Variants in DNAJC13 observed in about 807,000 individuals in gnomAD.
The protein encoded by DNAJC13 is dnaJ homolog subfamily C member 13.
In DNAJC13, 75 loss-of-function variants were observed where a neutral mutation model predicts 290.5. The observed-to-expected ratio is 0.26, with a 90% confidence interval of 0.21 to 0.31. The LOEUF (loss-of-function observed/expected upper bound fraction) is 0.31. DNAJC13 is among the 10% of genes least tolerant of loss of function. The pLI is 1.00. For missense variants in DNAJC13, 2,260 were observed against 2,674.5 expected (o/e 0.85, Z 3.42); for synonymous variants, 862 against 892.0 (o/e 0.97, Z 0.60).
At chr3:132,533,871 T>G (rs1433883904) in intron 55 of DNAJC13, among the ~76,000 whole-genome samples, 2 of 152,182 alleles carry the variant, frequency 1.3e-5, no homozygotes, top group Non-Finnish European at 1.5e-5. Context: ...GGGTTTATCT[T>G]CAGAAACCTG....
At chr3:132,525,245 C>T (rs1290371959) in intron 51 of DNAJC13, among the ~76,000 whole-genome samples, 1 of 152,138 alleles carries the variant, frequency 6.6e-6, no homozygotes, top group Admixed American at 6.5e-5. Flanking sequence ...GAGGCTGAGG[C>T]AGGAGAATTG....
In DNAJC13 at chr3:132,514,659, C is replaced by T. The variant is rs768780723; in HGVS notation, c.5474C>T (p.Ser1825Leu). The T allele has an allele frequency of 6.2e-7, 1 of 1,609,468 alleles. No individual in the cohort carries two copies. The highest frequency in any genetic ancestry group is 8.5e-7 in the Non-Finnish European group (1 of 1,177,676). Residue 1825 changes from serine (S) to leucine (L), a missense_variant, in exon 46 of 56, where the codon TCA becomes TTA. Ser to Leu is a moderately radical substitution (Grantham distance 145). Around this residue, in one of 3 missense-constraint regions of DNAJC13, gnomAD observed 1,494 missense variants for 1,693.7 expected, o/e 0.88. Coordinates refer to ENST00000260818, the MANE Select transcript of DNAJC13 (RefSeq NM_015268.4). ...TCCAGTTTATTGGCTCTTCTACATT[C>T]ATTGCCATCAAGTATGTATACAGAT... ...VLSSLLALLH[S>L]LPSSRQLVLE...
At position 132,528,248 on chromosome 3, in the gene DNAJC13, A is replaced by G. The variant is rs1465866448; in HGVS notation, c.6441A>G (p.Glu2147=). Residue 2147 remains glutamate (E), a synonymous_variant, in exon 54 of 56, where the codon GAA becomes GAG. Coordinates refer to ENST00000260818, the MANE Select transcript of DNAJC13 (RefSeq NM_015268.4). ...LLKLLEGIGL[E]NLDSPAATKA... Reference sequence around the variant, plus strand: ...AATTACTCGAAGGCATTGGCCTTGAAAACCTGGACAGCCCAGCAGCCACTA... The same window carrying G: ...AATTACTCGAAGGCATTGGCCTTGAGAACCTGGACAGCCCAGCAGCCACTA... 1.2e-6 allele frequency: 2 copies of G among 1,614,092 alleles called. No individual in the cohort carries two copies. Among genetic ancestry groups the G allele is most frequent in the Non-Finnish European group, 1.7e-6 (2 of 1,180,030 alleles).
intron 41 of DNAJC13, among the ~76,000 whole-genome samples, chr3:132,503,990 A>AAG (rs879838771): frequency 6.6e-6 from 1 of 151,834 alleles, no homozygotes; most frequent in Non-Finnish European, 1.5e-5. Context: ...AAAAAAAAAA[A>AAG]GAGTACTAAA....
intron 6 of DNAJC13, 84 bp downstream of exon 6, chr3:132,450,931 G>T: frequency 1.3e-6 from 1 of 768,068 alleles, no homozygotes. Flanking sequence ...ACTTCATTTT[G>T]AAATTTCACG....
intron 27 of DNAJC13, 137 bp from the exon 28 acceptor site, chr3:132,483,238 C>A: frequency 1.1e-6 from 1 of 934,932 alleles, no homozygotes; most frequent in Non-Finnish European, 1.6e-6. Context: ...GGCCTGTCAA[C>A]AAAACTTATT....
intron 2 of DNAJC13, among the ~76,000 whole-genome samples, chr3:132,438,466 C>T (rs564734343): frequency 1.1e-4 from 16 of 152,260 alleles, no homozygotes; most frequent in Admixed American, 1.0e-3. Context: ...AACCTTGTCT[C>T]TAGAAACATG....
intron 55 of DNAJC13, among the ~76,000 whole-genome samples, chr3:132,532,726 T>C (rs1270123971): frequency 1.3e-5 from 2 of 150,600 alleles, no homozygotes; most frequent in African/African-American, 2.5e-5. Context: ...AAAAAAAATC[T>C]GCCTTATTTT....
intron 32 of DNAJC13, among the ~76,000 whole-genome samples, chr3:132,491,872 A>G (rs1935067680): frequency 6.6e-6 from 1 of 152,130 alleles, no homozygotes. Context: ...TATGGCAGTC[A>G]TATTTTTCAT....
chr3:132,420,388 G>T (rs376761146), intron 1 of DNAJC13, among the ~76,000 whole-genome samples: 3 of 152,124 alleles, frequency 2.0e-5, no homozygotes, highest in Non-Finnish European at 4.4e-5. Context: ...GAACATTCAG[G>T]GGGTAGATGA....
chr3:132,495,910 C>A (rs1350706488), intron 35 of DNAJC13, among the ~76,000 whole-genome samples: 3 of 152,198 alleles, frequency 2.0e-5, no homozygotes, highest in Admixed American at 1.3e-4. Context: ...ATTTTGAAAT[C>A]TTTTAAATTG....
At chr3:132,484,498 C>A (rs934883103) in intron 28 of DNAJC13, 90 bp from the exon 29 acceptor site, 2 of 1,191,064 alleles carry the variant, frequency 1.7e-6, no homozygotes, top group Admixed American at 1.8e-5. Flanking sequence ...AGTAAGGTAA[C>A]CTGCTTCATG....
At chr3:132,503,492 A>G (rs1289956263) in intron 41 of DNAJC13, 111 bp downstream of exon 41, 3 of 1,262,316 alleles carry the variant, frequency 2.4e-6, no homozygotes, top group South Asian at 1.5e-5. Context: ...GAACGTTCAC[A>G]TGTTTGTTCT....
In DNAJC13 at chr3:132,466,880, T is replaced by G. The variant is rs545618681; in HGVS notation, c.2065-290T>G. 9.4e-4 allele frequency among the ~76,000 whole-genome samples: 143 copies of G among 152,316 alleles called. 1 individual carries two copies. Among genetic ancestry groups the G allele is most frequent in the Non-Finnish European group, 1.7e-3 (115 of 68,006 alleles). On this transcript the variant is annotated intron_variant, in intron 19 of 55. Transcript: ENST00000260818. The stretch of plus-strand genomic sequence containing the variant: ...ATTAAACATCTTTATGATACACTAC[T>G]ATAATAATTTCTTACGTGTATTCTT...
intron 29 of DNAJC13, among the ~76,000 whole-genome samples, chr3:132,487,633 G>A (rs11928331): frequency 0.063 from 9,186 of 145,432 alleles, 657 homozygotes; most frequent in African/African-American, 0.18. Context: ...GTGTTTTATA[G>A]AAAATTGGAA....
Position 132,479,234 on chromosome 3 carries a change from A to G in DNAJC13, c.2717A>G (p.Asp906Gly), listed in dbSNP as rs1345548099. Residue 906 changes from aspartate (D) to glycine (G), a missense_variant, in exon 25 of 56, where the codon GAT (aspartate) becomes GGT (glycine). By Grantham distance (94) the Asp-to-Gly change is moderately conservative. Coordinates refer to ENST00000260818, the MANE Select transcript of DNAJC13 (RefSeq NM_015268.4). ...YIIGMLERCT[D>G]KLERDRLILF... ...TCTCATTTATTTCAATAGTGCACAG[A>G]TAAACTTGAACGAGATAGGTTGATT... 1 of 1,606,408 alleles carries G rather than the reference A, an allele frequency of 6.2e-7. No homozygotes were observed. The highest frequency in any genetic ancestry group is 1.1e-5 in the South Asian group (1 of 90,800).
chr3:132,486,498 T>C (rs1215791973), intron 29 of DNAJC13, among the ~76,000 whole-genome samples: 1 of 151,034 alleles, frequency 6.6e-6, no homozygotes, highest in East Asian at 1.9e-4. Context: ...GAGGCTTTCT[T>C]TTAATTAACC....
chr3:132,484,924 TAAAG>T (rs1934804940), intron 29 of DNAJC13, among the ~76,000 whole-genome samples: 1 of 151,270 alleles, frequency 6.6e-6, no homozygotes, highest in Non-Finnish European at 1.5e-5. Context: ...AATAAATAAA[TAAAG>T]TAAATGGCCG....
Position 132,502,409 on chromosome 3 carries a change from A to T in DNAJC13, c.4657A>T (p.Asn1553Tyr). 6.2e-7 allele frequency: 1 copy of T among 1,614,088 alleles called. No individual in the cohort carries two copies. Among genetic ancestry groups the T allele is most frequent in the Non-Finnish European group, 8.5e-7 (1 of 1,179,984 alleles). The change falls in exon 40 of 56, where the codon AAT becomes TAT. Residue 1553 changes from asparagine (N) to tyrosine (Y), a missense_variant. Physicochemically the swap from Asn to Tyr is moderately radical, Grantham distance 143. Transcript: ENST00000260818. ...GTGGTATCTCCTTGGTTTTCTGTTT[A>T]ATTATGACTACACACTAGAAGAGAG... is the stretch of plus-strand genomic sequence containing the variant. ...ILWYLLGFLF[N>Y]YDYTLEESGI...
Sources: allele counts gnomAD v4.1 joint callset (sites outside exome capture counted in the v4.1 genomes callset), GRCh38; gene constraint gnomAD v4.1.1; regional missense constraint gnomAD v4.1.1; transcripts MANE v1.5; gene names NCBI Gene and HGNC (gene_info 2026-07-23, HGNC 2026-07-21).